The following HEMK2 variants were observed in gnomAD, a reference collection of about 807,000 sequenced individuals.
HEMK2 encodes HemK methyltransferase 2, ETF1 glutamine and histone H4 lysine, also known as methyltransferase HEMK2.
At chr21:28,634,938 G>A in the HEMK2 span, among the ~76,000 whole-genome samples, 2 of 152,018 alleles carry the variant, frequency 1.3e-5, no homozygotes, top group Non-Finnish European at 2.9e-5. Flanking sequence ...GTTAAAGCCA[G>A]GAAAGACATG....
the HEMK2 span, among the ~76,000 whole-genome samples, chr21:28,590,765 G>A: frequency 6.6e-5 from 10 of 152,182 alleles, no homozygotes; most frequent in East Asian, 3.8e-4. Context: ...ATGCTTGGGC[G>A]TTATTGGTCC....
the HEMK2 span, among the ~76,000 whole-genome samples, chr21:28,726,636 A>G: frequency 1.1e-3 from 175 of 152,330 alleles, no homozygotes; most frequent in Non-Finnish European, 1.9e-3. Context: ...GGCCAGGCAC[A>G]GTGGCTCATG....
At chr21:28,806,883 C>T in the HEMK2 span, among the ~76,000 whole-genome samples, 1 of 152,126 alleles carries the variant, frequency 6.6e-6, no homozygotes, top group Non-Finnish European at 1.5e-5. Context: ...TTTCAGACCT[C>T]TAGCCTCCAT....
At chr21:28,622,058 G>A in the HEMK2 span, among the ~76,000 whole-genome samples, 7 of 151,874 alleles carry the variant, frequency 4.6e-5, no homozygotes, top group East Asian at 1.9e-4. Context: ...TTCATTTTGA[G>A]CCTATGTATG....
the HEMK2 span, among the ~76,000 whole-genome samples, chr21:28,740,606 T>G: frequency 3.0e-3 from 450 of 152,328 alleles, 6 homozygotes; most frequent in African/African-American, 0.01. Flanking sequence ...CTAAAGTATT[T>G]CACAACTACA....
At chr21:28,757,645 C>A in the HEMK2 span, among the ~76,000 whole-genome samples, 1 of 152,170 alleles carries the variant, frequency 6.6e-6, no homozygotes, top group African/African-American at 2.4e-5. Flanking sequence ...GTTTGCTACA[C>A]AACAATCGAC....
chr21:28,780,562 T>C, the HEMK2 span, among the ~76,000 whole-genome samples: 4 of 151,878 alleles, frequency 2.6e-5, no homozygotes, highest in South Asian at 2.1e-4. Flanking sequence ...CTGCCCGCCT[T>C]GGCATCCCAA....
At chr21:28,849,347 A>G in the HEMK2 span, among the ~76,000 whole-genome samples, 1 of 152,136 alleles carries the variant, frequency 6.6e-6, no homozygotes, top group Non-Finnish European at 1.5e-5. Flanking sequence ...AAAAGCAAAA[A>G]AACAACAACA....
At chr21:28,615,172 G>C in the HEMK2 span, among the ~76,000 whole-genome samples, 1 of 152,112 alleles carries the variant, frequency 6.6e-6, no homozygotes, top group African/African-American at 2.4e-5. Flanking sequence ...GCATTCAAAT[G>C]ATTCTTAGAA....
the HEMK2 span, among the ~76,000 whole-genome samples, chr21:28,665,359 C>CTTTTTTTTTTTTTTTTTTTTTTTTT: frequency 3.4e-5 from 1 of 29,000 alleles, no homozygotes; most frequent in Non-Finnish European, 5.5e-5. Context: ...TTTTTTTTTA[C>CTTTTTTTTTTTTTTTTTTTTTTTTT]TTTTTAATTT....
the HEMK2 span, among the ~76,000 whole-genome samples, chr21:28,783,365 C>T: frequency 1.3e-5 from 2 of 151,934 alleles, no homozygotes; most frequent in East Asian, 1.9e-4. Context: ...TTGTAATTTT[C>T]GTAGAGACGG....
the HEMK2 span, among the ~76,000 whole-genome samples, chr21:28,590,007 G>C: frequency 6.6e-6 from 1 of 152,160 alleles, no homozygotes; most frequent in South Asian, 2.1e-4. Context: ...ATTTCCCCAT[G>C]CAAACACGCC....
the HEMK2 span, among the ~76,000 whole-genome samples, chr21:28,715,177 A>G: frequency 2.6e-5 from 4 of 152,196 alleles, no homozygotes; most frequent in African/African-American, 9.7e-5. Flanking sequence ...ACTAGGTCAA[A>G]TGGTAATTCT....
At chr21:28,841,987 T>C in the HEMK2 span, among the ~76,000 whole-genome samples, 1 of 152,150 alleles carries the variant, frequency 6.6e-6, no homozygotes, top group Non-Finnish European at 1.5e-5. Context: ...TAGTCACATG[T>C]GCCTATTCCC....
chr21:28,665,290 A>G, the HEMK2 span, among the ~76,000 whole-genome samples: 1 of 150,436 alleles, frequency 6.6e-6, no homozygotes, highest in South Asian at 2.1e-4. Flanking sequence ...AATAAATCTA[A>G]AAAAGATTAA....
At chr21:28,734,357 T>C in the HEMK2 span, among the ~76,000 whole-genome samples, 1 of 152,240 alleles carries the variant, frequency 6.6e-6, no homozygotes, top group East Asian at 1.9e-4. Flanking sequence ...TTATATCTGT[T>C]GTCTGCCACG....
chr21:28,883,170 G>T, the HEMK2 span: 1 of 674,594 alleles, frequency 1.5e-6, no homozygotes, highest in Non-Finnish European at 2.3e-6. Context: ...TATTTCTCTA[G>T]CATCATCACT....
the HEMK2 span, among the ~76,000 whole-genome samples, chr21:28,883,565 G>A: frequency 2.9e-5 from 3 of 104,776 alleles, no homozygotes; most frequent in South Asian, 3.4e-4. Context: ...TAATAGAGCA[G>A]GACAAAAATT....
chr21:28,745,675 T>C, the HEMK2 span, among the ~76,000 whole-genome samples: 2 of 152,166 alleles, frequency 1.3e-5, no homozygotes, highest in East Asian at 1.9e-4. Context: ...TCATGAATAA[T>C]AGCTGGCTGC....
Sources: gnomAD v4.1 joint callset for allele counts (sites outside exome capture counted in the v4.1 genomes callset) on GRCh38, gnomAD v4.1.1 for gene constraint, MANE v1.5 for transcripts, NCBI Gene and HGNC (gene_info 2026-07-23, HGNC 2026-07-21) for gene names.